The following MOB3B variants were observed in gnomAD, a reference collection of about 807,000 sequenced individuals.
MOB3B encodes MOB kinase activator-like 2B.
MOB3B carries 7 observed loss-of-function variants against 18.7 expected under a neutral mutation model. The observed-to-expected ratio is 0.37, with a 90% CI of 0.21 to 0.70. The LOEUF is 0.70. Ranked by LOEUF, MOB3B falls within the 30% of genes least tolerant of loss-of-function variation. The pLI is 0.52. For synonymous variants in MOB3B, 111 were observed against 99.9 expected (o/e 1.11, Z -0.66); for missense variants, 253 against 281.3 (o/e 0.90, Z 0.72).
At chr9:27,437,567 A>C (rs1438313152) in intron 2 of MOB3B, among the ~76,000 whole-genome samples, 1 of 152,214 alleles carries the variant, frequency 6.6e-6, no homozygotes, top group Non-Finnish European at 1.5e-5. Flanking sequence ...TAGCTGATGG[A>C]CATTAAAAAA....
intron 3 of MOB3B, among the ~76,000 whole-genome samples, chr9:27,339,907 C>G (rs1820915968): frequency 1.3e-5 from 2 of 152,292 alleles, no homozygotes; most frequent in South Asian, 4.1e-4. Context: ...TTGCTAGCAT[C>G]CCAAAGTCTG....
intron 2 of MOB3B, among the ~76,000 whole-genome samples, chr9:27,380,383 C>T (rs534609644): frequency 3.8e-4 from 58 of 151,414 alleles, no homozygotes; most frequent in Non-Finnish European, 6.0e-4. Context: ...GGACTACAGA[C>T]GCCCGCCATG....
chr9:27,429,700 C>T (rs1406868097), intron 2 of MOB3B, among the ~76,000 whole-genome samples: 3 of 152,026 alleles, frequency 2.0e-5, no homozygotes, highest in African/African-American at 4.8e-5. Flanking sequence ...GTTGCATAGA[C>T]GGAGAGCTTG....
chr9:27,510,835 T>C (rs1820130979), intron 1 of MOB3B, among the ~76,000 whole-genome samples: 1 of 152,122 alleles, frequency 6.6e-6, no homozygotes, highest in Non-Finnish European at 1.5e-5. Flanking sequence ...TTCCACACAG[T>C]GGGGGTCAGG....
chr9:27,449,854 T>A (rs1449293724), intron 2 of MOB3B, among the ~76,000 whole-genome samples: 3 of 152,044 alleles, frequency 2.0e-5, no homozygotes, highest in African/African-American at 7.2e-5. Flanking sequence ...GGCAGGTGCC[T>A]GTGACCCCAG....
intron 1 of MOB3B, among the ~76,000 whole-genome samples, chr9:27,466,984 C>A (rs916737575): frequency 3.9e-5 from 6 of 152,142 alleles, no homozygotes; most frequent in African/African-American, 1.4e-4. Context: ...CAAGAGAGAA[C>A]AGACAACCAT....
At chr9:27,524,234 C>A in intron 1 of MOB3B, 3 of 1,020,122 alleles carry the variant, frequency 2.9e-6, no homozygotes, top group Non-Finnish European at 3.9e-6. Flanking sequence ...AATGAGAAAA[C>A]TCCTCCTGCT....
chr9:27,395,928 T>C (rs74557362), intron 2 of MOB3B, among the ~76,000 whole-genome samples: 1 of 152,198 alleles, frequency 6.6e-6, no homozygotes, highest in African/African-American at 2.4e-5. Flanking sequence ...AGCAAGCAGC[T>C]TGGCATGTAC....
intron 1 of MOB3B, chr9:27,524,949 A>C: frequency 6.3e-7 from 1 of 1,584,866 alleles, no homozygotes; most frequent in South Asian, 1.2e-5. Flanking sequence ...AGCTCTATTC[A>C]GGAGGAAATA....
intron 2 of MOB3B, among the ~76,000 whole-genome samples, chr9:27,411,754 GATAT>G (rs1238488782): frequency 6.6e-6 from 1 of 152,172 alleles, no homozygotes. Flanking sequence ...CGTTTTGGGG[GATAT>G]ATGACAATAT....
intron 2 of MOB3B, among the ~76,000 whole-genome samples, chr9:27,375,487 C>A (rs1821476937): frequency 6.6e-6 from 1 of 152,174 alleles, no homozygotes; most frequent in Admixed American, 6.5e-5. Flanking sequence ...TTCTTACCTC[C>A]TGCATATTTG....
chr9:27,442,664 C>A (rs987848057), intron 2 of MOB3B, among the ~76,000 whole-genome samples: 1 of 152,164 alleles, frequency 6.6e-6, no homozygotes, highest in Non-Finnish European at 1.5e-5. Context: ...CTGGTAACAC[C>A]CTCTCTGACT....
intron 2 of MOB3B, among the ~76,000 whole-genome samples, chr9:27,365,418 C>T (rs1277690223): frequency 3.7e-5 from 5 of 135,426 alleles, no homozygotes; most frequent in Admixed American, 8.0e-5. Context: ...TCACTGTACT[C>T]AGAAAGTTAA....
chr9:27,524,628 T>G, intron 1 of MOB3B: 1 of 1,614,104 alleles, frequency 6.2e-7, no homozygotes, highest in East Asian at 2.2e-5. Context: ...CTTCAACATC[T>G]TCAGCCAACA....
chr9:27,413,312 G>T (rs10967929), intron 2 of MOB3B, among the ~76,000 whole-genome samples: 1 of 151,900 alleles, frequency 6.6e-6, no homozygotes, highest in African/African-American at 2.4e-5. Context: ...TTTCATTCTC[G>T]TTACTGAAAT....
At chr9:27,528,971 A>C (rs1820485411) in intron 1 of MOB3B, among the ~76,000 whole-genome samples, 1 of 152,096 alleles carries the variant, frequency 6.6e-6, no homozygotes, top group South Asian at 2.1e-4. Context: ...GTTGGCCCCA[A>C]AGTTAAGCGC....
intron 1 of MOB3B, among the ~76,000 whole-genome samples, chr9:27,529,287 C>T (rs1409179674): frequency 6.6e-6 from 1 of 151,882 alleles, no homozygotes; most frequent in Admixed American, 6.6e-5. Context: ...AATCAAGATC[C>T]CGGGGTGGAA....
chr9:27,518,735 C>CT (rs1820278225), intron 1 of MOB3B, among the ~76,000 whole-genome samples: 1 of 152,194 alleles, frequency 6.6e-6, no homozygotes, highest in South Asian at 2.1e-4. Flanking sequence ...CTACAGGGAG[C>CT]ATCATGTACA....
intron 1 of MOB3B, among the ~76,000 whole-genome samples, chr9:27,499,450 A>C (rs1326601449): frequency 6.6e-6 from 1 of 152,226 alleles, no homozygotes; most frequent in Non-Finnish European, 1.5e-5. Flanking sequence ...TCTTATTTAA[A>C]ACTCATGGAA....
Sources: gnomAD v4.1 joint callset for allele counts (sites outside exome capture counted in the v4.1 genomes callset) on GRCh38, gnomAD v4.1.1 for gene constraint, MANE v1.5 for transcripts, NCBI Gene and HGNC (gene_info 2026-07-23, HGNC 2026-07-21) for gene names.